SV2B: variants seen among roughly 807,000 people sequenced by gnomAD.
The protein encoded by SV2B is solute carrier family 22 member B2.
Under a neutral mutation model 73.9 loss-of-function variants are expected in SV2B, and 41 were observed. That is an observed-to-expected ratio of 0.56 (90% CI 0.43 to 0.72). The LOEUF is 0.72. Among genes scored for constraint, SV2B ranks in the 30% least tolerant of loss-of-function variants. The probability of loss-of-function intolerance (pLI) is 0.00; values close to 1 mark genes in which losing one functional copy is unlikely to be tolerated. For missense variants in SV2B, 764 were observed against 857.8 expected, an observed-to-expected ratio of 0.89 and a Z score of 1.37; for synonymous variants, 314 against 314.2, an observed-to-expected ratio of 1.00 and a Z score of 0.01.
Position 91,253,339 on chromosome 15 carries a change from C to A in SV2B, c.784+819C>A, listed in dbSNP as rs1415324300. Among the ~76,000 whole-genome samples, 1 of 152,160 alleles carries A rather than the reference C, an allele frequency of 6.6e-6. No homozygotes were observed. The highest frequency in any genetic ancestry group is 1.5e-5 in the Non-Finnish European group (1 of 68,026). On this transcript the variant is annotated intron_variant, in intron 4 of 12. Transcript: ENST00000394232. The surrounding 1 kb of genome is among the most constrained non-coding windows in gnomAD (Gnocchi z 5.0). ...ACCCCGAGGGGGTAGCAGACAGCTGCCCCTGAAGCTGACTGATAGTTTACC... is the reference window on the plus strand; with the variant it reads ...ACCCCGAGGGGGTAGCAGACAGCTGACCCTGAAGCTGACTGATAGTTTACC...
chr15:91,193,234 G>A (rs933095562), intron 1 of SV2B, among the ~76,000 whole-genome samples: 3 of 152,156 alleles, frequency 2.0e-5, no homozygotes, highest in African/African-American at 7.2e-5. Context: ...AGAAGGAGAC[G>A]GCCTGCTTAG....
At chr15:91,162,115 G>A (rs2043741583) in intron 1 of SV2B, among the ~76,000 whole-genome samples, 1 of 152,214 alleles carries the variant, frequency 6.6e-6, no homozygotes, top group South Asian at 2.1e-4. Flanking sequence ...CTATGAAGGT[G>A]TGAGGAAATG....
chr15:91,105,168 C>A lies in SV2B; in HGVS notation c.-392+4805C>A, dbSNP rs1156726326. Among the ~76,000 whole-genome samples the A allele has an allele frequency of 6.6e-6, 1 of 152,122 alleles. No homozygotes were observed. The highest frequency in any genetic ancestry group is 2.4e-5 in the African/African-American group (1 of 41,410). ...AGACCCATCTCATGAAGCATTCATT[C>A]TAGTTGAGGGAGACAAATAATATGT... On this transcript the variant is annotated intron_variant, in intron 1 of 12. Coordinates refer to ENST00000394232, the MANE Select transcript of SV2B (RefSeq NM_001323032.3). This position sits in a 1 kb window ranked among gnomAD's most constrained non-coding sequence, Gnocchi z 5.5.
intron 1 of SV2B, among the ~76,000 whole-genome samples, chr15:91,199,993 T>C (rs2045403328): frequency 1.3e-5 from 2 of 152,214 alleles, no homozygotes; most frequent in Non-Finnish European, 2.9e-5. Flanking sequence ...GGGCCTGGCT[T>C]TCTTCTGAAC....
In SV2B at chr15:91,245,956, A is replaced by G. The variant is rs1297502103; in HGVS notation, c.452-5863A>G. On this transcript the variant is annotated intron_variant, in intron 2 of 12. Coordinates refer to ENST00000394232, the MANE Select transcript of SV2B (RefSeq NM_001323032.3). This position sits in a 1 kb window ranked among gnomAD's most constrained non-coding sequence, Gnocchi z 4.2. ...AGTACATTTTACAAGTAAAATATCT[A>G]TGCTCTGTCCCTTTATAGAAAAAGT... Among the ~76,000 whole-genome samples the G allele has an allele frequency of 1.3e-5, 2 of 151,936 alleles. No individual in the cohort carries two copies. The highest frequency in any genetic ancestry group is 1.5e-5 in the Non-Finnish European group (1 of 68,004).
At position 91,214,054 on chromosome 15, in the gene SV2B, T is replaced by A. The variant is rs531887743; in HGVS notation, c.-391-11819T>A. Reference sequence around the variant, plus strand: ...GTCAGATACCATCAAAGGTAGCATCTTCCACTTTGGGAAACACTTAACTTG... The same window carrying A: ...GTCAGATACCATCAAAGGTAGCATCATCCACTTTGGGAAACACTTAACTTG... On this transcript the variant is annotated intron_variant, in intron 1 of 12. Coordinates refer to ENST00000394232, the MANE Select transcript of SV2B (RefSeq NM_001323032.3). This position sits in a 1 kb window ranked among gnomAD's most constrained non-coding sequence, Gnocchi z 4.7. Among the ~76,000 whole-genome samples the A allele has an allele frequency of 6.6e-6, 1 of 152,234 alleles. No individual in the cohort carries two copies. Among genetic ancestry groups the A allele is most frequent in the Non-Finnish European group, 1.5e-5 (1 of 68,050 alleles).
intron 1 of SV2B, among the ~76,000 whole-genome samples, chr15:91,184,327 A>G (rs1272933306): frequency 1.3e-5 from 2 of 152,130 alleles, no homozygotes; most frequent in Admixed American, 6.5e-5. Flanking sequence ...TCCGACCTCT[A>G]TTTACCAGAT....
At position 91,295,110 on chromosome 15, in the gene SV2B, G is replaced by A. The variant is rs1402678894; in HGVS notation, c.*2558G>A. The A allele has an allele frequency of 6.6e-6, 1 of 152,624 alleles. No individual in the cohort carries two copies. Among genetic ancestry groups the A allele is most frequent in the Non-Finnish European group, 1.5e-5 (1 of 68,070 alleles). The allele number at this position is 152,624 out of a possible 1,614,324, so 9.5% of individuals were successfully genotyped here. A position where few individuals can be genotyped will look rare whatever the true frequency, so the allele number is the denominator to read the frequency against. On this transcript the variant is annotated 3_prime_UTR_variant, in exon 13 of 13. Coordinates refer to ENST00000394232, the MANE Select transcript of SV2B (RefSeq NM_001323032.3). Reference sequence around the variant, plus strand: ...CCAAGAGACTCCCGATGTCGGCTGTGGAGGGTTAAAGGGATGAGGCTTTCC... The same window carrying A: ...CCAAGAGACTCCCGATGTCGGCTGTAGAGGGTTAAAGGGATGAGGCTTTCC...
At chr15:91,243,021 G>C (rs774663816) in intron 2 of SV2B, among the ~76,000 whole-genome samples, 2 of 152,170 alleles carry the variant, frequency 1.3e-5, no homozygotes, top group African/African-American at 2.4e-5. Flanking sequence ...CTCCCTATTA[G>C]GGATGTCTGG....
At chr15:91,262,102 A>C (rs1256082821) in intron 6 of SV2B, among the ~76,000 whole-genome samples, 1 of 152,196 alleles carries the variant, frequency 6.6e-6, no homozygotes, top group Non-Finnish European at 1.5e-5. Flanking sequence ...GTGGCTGAGC[A>C]CCTGCATCCA....
At chr15:91,142,054 C>T (rs1024944193) in intron 1 of SV2B, among the ~76,000 whole-genome samples, 4 of 151,990 alleles carry the variant, frequency 2.6e-5, no homozygotes, top group African/African-American at 4.8e-5. Flanking sequence ...ACCCTAAGAG[C>T]TGGATATGAT....
rs895297163 is a variant in SV2B, at chr15:91,240,742, A to T, written c.452-11077A>T. Reference sequence around the variant, plus strand: ...CCGTGAGAGGTTCATGTCTGCCAGGACACCCCTTACCATCCACATTTGCAT... The same window carrying T: ...CCGTGAGAGGTTCATGTCTGCCAGGTCACCCCTTACCATCCACATTTGCAT... On this transcript the variant is annotated intron_variant, in intron 2 of 12. Transcript: ENST00000394232. The surrounding 1 kb of genome is among the most constrained non-coding windows in gnomAD (Gnocchi z 4.6). 6.6e-6 allele frequency among the ~76,000 whole-genome samples: 1 copy of T among 152,052 alleles called. No individual in the cohort carries two copies. The highest frequency in any genetic ancestry group is 1.5e-5 in the Non-Finnish European group (1 of 68,012).
chr15:91,252,414 C>T lies in SV2B; in HGVS notation c.678C>T (p.Phe226=). Residue 226 remains phenylalanine, a synonymous_variant, in exon 4 of 13, where the codon TTC becomes TTT. Coordinates refer to ENST00000394232, the MANE Select transcript of SV2B (RefSeq NM_001323032.3). This position sits in a 1 kb window ranked among gnomAD's most constrained non-coding sequence, Gnocchi z 4.6. Reference sequence around the variant, plus strand: ...TTGTTTTTGCCTATTTTTCTGAATTCTTGTCTCGGGAGAAGCGAGGAGAAC... The same window carrying T: ...TTGTTTTTGCCTATTTTTCTGAATTTTTGTCTCGGGAGAAGCGAGGAGAAC... The part of the protein sequence containing the change: ...LPIVFAYFSE[F]LSREKRGEHL... 2 of 1,613,432 alleles carry T rather than the reference C, an allele frequency of 1.2e-6. No individual in the cohort carries two copies. Among genetic ancestry groups the T allele is most frequent in the Non-Finnish European group, 1.7e-6 (2 of 1,179,716 alleles).
chr15:91,241,194 T>C lies in SV2B; in HGVS notation c.452-10625T>C, dbSNP rs1214800951. ...AATCTTTAGACTTTTAACCTCTTAT[T>C]ACCCCCTTGTTCTCACCACATTCCT... On this transcript the variant is annotated intron_variant, in intron 2 of 12. Coordinates refer to ENST00000394232, the MANE Select transcript of SV2B (RefSeq NM_001323032.3). This position sits in a 1 kb window ranked among gnomAD's most constrained non-coding sequence, Gnocchi z 4.8. 6.6e-6 allele frequency among the ~76,000 whole-genome samples: 1 copy of C among 152,296 alleles called. No individual in the cohort carries two copies. The highest frequency in any genetic ancestry group is 2.4e-5 in the African/African-American group (1 of 41,560).
chr15:91,217,563 A>G (rs552195758), intron 1 of SV2B, among the ~76,000 whole-genome samples: 1 of 152,190 alleles, frequency 6.6e-6, no homozygotes, highest in Non-Finnish European at 1.5e-5. Flanking sequence ...TTAAAGTATA[A>G]TAATAATAAA....
chr15:91,170,767 A>G (rs2044095192), intron 1 of SV2B, among the ~76,000 whole-genome samples: 1 of 152,238 alleles, frequency 6.6e-6, no homozygotes, highest in Non-Finnish European at 1.5e-5. Flanking sequence ...GTTCAAATGA[A>G]TAAATGCTTC....
chr15:91,191,641 G>A (rs1756736560), intron 1 of SV2B, among the ~76,000 whole-genome samples: 2 of 152,122 alleles, frequency 1.3e-5, no homozygotes, highest in African/African-American at 4.8e-5. Flanking sequence ...TACTGCGGTA[G>A]CTCAAATACA....
intron 11 of SV2B, among the ~76,000 whole-genome samples, chr15:91,287,319 C>G (rs926241591): frequency 3.3e-5 from 5 of 152,194 alleles, no homozygotes; most frequent in African/African-American, 9.7e-5. Context: ...TTCTTGACAA[C>G]TGGAAAACCT....
intron 1 of SV2B, among the ~76,000 whole-genome samples, chr15:91,108,323 ATCTC>A (rs1189662970): frequency 1.3e-5 from 2 of 152,186 alleles, no homozygotes; most frequent in Non-Finnish European, 2.9e-5. Context: ...CAATAAGCCA[ATCTC>A]CTTAGTTCAG....
Sources: gnomAD v4.1 joint callset for allele counts (sites outside exome capture counted in the v4.1 genomes callset) on GRCh38, gnomAD v4.1.1 for gene constraint, Gnocchi (gnomAD v3.1) non-coding constraint, MANE v1.5 for transcripts, NCBI Gene and HGNC (gene_info 2026-07-23, HGNC 2026-07-21) for gene names.